Variants in PDE8B observed in about 807,000 individuals in gnomAD.
PDE8B encodes the protein high affinity cAMP-specific and IBMX-insensitive 3',5'-cyclic phosphodiesterase 8B.
PDE8B carries 26 observed loss-of-function variants against 101.3 expected under a neutral mutation model. That is an observed-to-expected ratio of 0.26 (90% CI 0.19 to 0.36). The LOEUF is 0.36. Among genes scored for constraint, PDE8B ranks in the 10% least tolerant of loss-of-function variants. The pLI is 1.00. For missense variants in PDE8B, 810 were observed against 1,163.1 expected (o/e 0.70, Z 4.42); for synonymous variants, 424 against 429.3 (o/e 0.99, Z 0.15).
intron 8 of PDE8B, among the ~76,000 whole-genome samples, chr5:77,350,017 A>C (rs1780796514): frequency 6.6e-6 from 1 of 152,046 alleles, no homozygotes; most frequent in Non-Finnish European, 1.5e-5. Flanking sequence ...TCCCAGCTGC[A>C]CCTGTTCCTC....
At chr5:77,280,384 A>C (rs1349467752) in intron 1 of PDE8B, among the ~76,000 whole-genome samples, 1 of 152,174 alleles carries the variant, frequency 6.6e-6, no homozygotes, top group African/African-American at 2.4e-5. Context: ...TTAAATTTCC[A>C]ATTTACTATG....
At chr5:77,116,722 G>GT in the PDE8B span, among the ~76,000 whole-genome samples, 26 of 152,238 alleles carry the variant, frequency 1.7e-4, no homozygotes, top group South Asian at 4.1e-4. Flanking sequence ...AACTAAGAAA[G>GT]TAATAGGATT....
chr5:77,358,258 A>G (rs898930757), intron 10 of PDE8B, among the ~76,000 whole-genome samples: 3 of 152,228 alleles, frequency 2.0e-5, no homozygotes, highest in Non-Finnish European at 4.4e-5. Flanking sequence ...CTAAATTCCC[A>G]GTACTTGGCT....
intron 1 of PDE8B, among the ~76,000 whole-genome samples, chr5:77,257,232 A>G (rs1389772601): frequency 1.3e-5 from 2 of 152,238 alleles, no homozygotes; most frequent in Non-Finnish European, 2.9e-5. Flanking sequence ...CAATAGTTGT[A>G]TTAAATGTAA....
At chr5:77,269,748 T>C (rs977154877) in intron 1 of PDE8B, among the ~76,000 whole-genome samples, 4 of 152,242 alleles carry the variant, frequency 2.6e-5, no homozygotes, top group African/African-American at 9.6e-5. Flanking sequence ...TCAATATATA[T>C]TCTTGGCACC....
intron 10 of PDE8B, among the ~76,000 whole-genome samples, chr5:77,396,049 C>G (rs1188579593): frequency 1.3e-5 from 2 of 152,236 alleles, no homozygotes; most frequent in Non-Finnish European, 2.9e-5. Flanking sequence ...CGTGCATCAA[C>G]CCAAACATGT....
rs1056587089 is a variant in PDE8B at position 77,211,848 on chromosome 5, A to C, written c.339+584A>C. Among the ~76,000 whole-genome samples, 7 of 152,096 alleles carry C rather than the reference A, an allele frequency of 4.6e-5. No homozygotes were observed. Among genetic ancestry groups the C allele is most frequent in the Non-Finnish European group, 8.8e-5 (6 of 68,022 alleles). On this transcript the variant is annotated intron_variant, in intron 1 of 21. Coordinates refer to ENST00000264917, the MANE Select transcript of PDE8B (RefSeq NM_003719.5). The surrounding 1 kb of genome is among the most constrained non-coding windows in gnomAD (Gnocchi z 4.1). ...AGCAGAGTGGAACCTGTTGTTTGTC[A>C]CTGTAACGTTTCTCTGGGTTGGCTG...
intron 1 of PDE8B, chr5:77,291,867 G>T: frequency 7.1e-7 from 1 of 1,413,136 alleles, no homozygotes; most frequent in South Asian, 1.2e-5. Flanking sequence ...AGAAGACAAA[G>T]AAAATTAAAG....
chr5:77,179,632 C>T, the PDE8B span, among the ~76,000 whole-genome samples: 2 of 152,136 alleles, frequency 1.3e-5, no homozygotes, highest in African/African-American at 2.4e-5. Context: ...GGGTGGGGGG[C>T]GGCTCTAGAA....
intron 10 of PDE8B, among the ~76,000 whole-genome samples, chr5:77,389,316 AG>A (rs1387499963): frequency 1.3e-5 from 2 of 152,084 alleles, no homozygotes; most frequent in African/African-American, 4.8e-5. Context: ...TCCCTTGGAT[AG>A]GGGAGGGAAT....
intron 10 of PDE8B, among the ~76,000 whole-genome samples, chr5:77,385,601 T>C (rs1336458227): frequency 6.6e-6 from 1 of 152,154 alleles, no homozygotes; most frequent in Admixed American, 6.5e-5. Context: ...CTTTCTCTTG[T>C]GGGCATTTAG....
chr5:77,230,687 T>G (rs981510883), intron 1 of PDE8B, among the ~76,000 whole-genome samples: 1 of 152,138 alleles, frequency 6.6e-6, no homozygotes, highest in Non-Finnish European at 1.5e-5. Context: ...TGACCTCAAG[T>G]GATCCACCCG....
At chr5:77,318,713 T>TG (rs1352628975) in intron 2 of PDE8B, among the ~76,000 whole-genome samples, 4 of 152,208 alleles carry the variant, frequency 2.6e-5, no homozygotes, top group Admixed American at 1.3e-4. Flanking sequence ...TCAGCTCAAA[T>TG]GACCACTCCC....
At chr5:77,167,596 C>G in the PDE8B span, among the ~76,000 whole-genome samples, 1 of 152,218 alleles carries the variant, frequency 6.6e-6, no homozygotes, top group Admixed American at 6.5e-5. Context: ...CAAGGGGGCA[C>G]GCGGCTGCTC....
At chr5:77,377,927 T>C (rs2150751993) in intron 10 of PDE8B, among the ~76,000 whole-genome samples, 2 of 152,102 alleles carry the variant, frequency 1.3e-5, no homozygotes, top group Admixed American at 6.5e-5. Flanking sequence ...CATCGTATCA[T>C]GGGACTCCTC....
intron 1 of PDE8B, among the ~76,000 whole-genome samples, chr5:77,269,446 G>A (rs1424561091): frequency 6.6e-6 from 1 of 152,114 alleles, no homozygotes; most frequent in African/African-American, 2.4e-5. Context: ...TTTGTTGATT[G>A]TTTCCTTTGC....
Position 77,349,137 on chromosome 5 carries a change from G to T in PDE8B, c.877-282G>T, listed in dbSNP as rs2046046. Among the ~76,000 whole-genome samples, 110,242 of 152,036 alleles carry T rather than the reference G, an allele frequency of 0.73. 40,121 individuals carry two copies. Among genetic ancestry groups the T allele is most frequent in the East Asian group, 0.82 (4,259 of 5,178 alleles). On this transcript the variant is annotated intron_variant, in intron 7 of 21. Coordinates refer to ENST00000264917, the MANE Select transcript of PDE8B (RefSeq NM_003719.5). The stretch of plus-strand genomic sequence containing the variant: ...GTACTGCTAGATGAGGGCTTCCTGT[G>T]TTTTTCCTGCTGAAGTTTCTTCTGA...
Position 77,426,716 on chromosome 5 carries a change from A to C in PDE8B, c.*162A>C, listed in dbSNP as rs1206489890. 4.5e-6 allele frequency: 3 copies of C among 663,064 alleles called. No individual in the cohort carries two copies. The highest frequency in any genetic ancestry group is 8.3e-6 in the Non-Finnish European group (3 of 363,168). 41.1% of individuals were successfully genotyped at this position (663,064 alleles called of 1,614,324 possible). On this transcript the variant is annotated 3_prime_UTR_variant, in exon 22 of 22. Coordinates refer to ENST00000264917, the MANE Select transcript of PDE8B (RefSeq NM_003719.5). The stretch of plus-strand genomic sequence containing the variant: ...ATTCAAGTCCCCAAATTTCATTCTT[A>C]GAAAGTTATGTTCCATGAAGAAAAA...
chr5:77,297,935 C>A (rs1463634061), intron 1 of PDE8B, among the ~76,000 whole-genome samples: 1 of 152,210 alleles, frequency 6.6e-6, no homozygotes, highest in Non-Finnish European at 1.5e-5. Flanking sequence ...TTAGGTTTCT[C>A]TGGCTTCATG....
Sources: allele counts gnomAD v4.1 joint callset (sites outside exome capture counted in the v4.1 genomes callset), GRCh38; gene constraint gnomAD v4.1.1; non-coding constraint Gnocchi (gnomAD v3.1); transcripts MANE v1.5; gene names NCBI Gene and HGNC (gene_info 2026-07-23, HGNC 2026-07-21).